The following ZNF500 variants were observed in gnomAD, a reference collection of about 807,000 sequenced individuals.
ZNF500 encodes the protein zinc finger protein 500.
ZNF500 carries 31 observed loss-of-function variants against 30.1 expected under a neutral mutation model. The observed-to-expected ratio is 1.03, with a 90% CI of 0.77 to 1.39. The LOEUF (loss-of-function observed/expected upper bound fraction) is 1.39. Among genes scored for constraint, ZNF500 ranks in the 40% most tolerant of loss-of-function variants. ZNF500 has a pLI of 0.00. For synonymous variants in ZNF500, 392 were observed against 282.0 expected, an observed-to-expected ratio of 1.39 and a Z score of -3.91; for missense variants, 817 against 657.8, an observed-to-expected ratio of 1.24 and a Z score of -2.65.
At chr16:4,761,296 C>T (rs528150892) in intron 4 of ZNF500, among the ~76,000 whole-genome samples, 3 of 151,808 alleles carry the variant, frequency 2.0e-5, no homozygotes, top group African/African-American at 4.8e-5. Flanking sequence ...AAAAATTAGC[C>T]AGGCATGGTG....
At chr16:4,760,700 G>A in intron 4 of ZNF500, 112 bp from the exon 5 acceptor site, 1 of 872,936 alleles carries the variant, frequency 1.1e-6, no homozygotes, top group Non-Finnish European at 1.8e-6. Flanking sequence ...CTGGCGCCAA[G>A]CCTGGTGGTG....
At position 4,750,557 on chromosome 16, in the gene ZNF500, C is replaced by G. The variant is rs1413357559; in HGVS notation, c.*1819G>C. The G allele has an allele frequency of 6.6e-6, 1 of 151,354 alleles. No individual in the cohort carries two copies. Among genetic ancestry groups the G allele is most frequent in the Non-Finnish European group, 1.5e-5 (1 of 67,944 alleles). 9.4% of individuals were successfully genotyped at this position (151,354 alleles called of 1,614,324 possible). ...AGGCTGGAGTACAACGGTGCGACCT[C>G]GGCTCACTGCAACCTCCGCCTCCCT... On this transcript the variant is annotated 3_prime_UTR_variant, in exon 6 of 6. Transcript: ENST00000219478.
intron 5 of ZNF500, among the ~76,000 whole-genome samples, chr16:4,754,337 C>T (rs1283161628): frequency 2.6e-5 from 4 of 152,042 alleles, no homozygotes; most frequent in Non-Finnish European, 4.4e-5. Flanking sequence ...GGGTTTGGCA[C>T]GTACTGAGCC....
chr16:4,747,274 TTTCAGTA>T, downstream of ZNF500: 1 of 1,487,158 alleles, frequency 6.7e-7, no homozygotes, highest in Non-Finnish European at 9.0e-7. Context: ...TTTTCTCCTG[TTTCAGTA>T]AGGAGGGCTG....
At chr16:4,745,655 A>G (rs763604064), downstream of ZNF500, among the ~76,000 whole-genome samples, 6 of 152,170 alleles carry the variant, frequency 3.9e-5, no homozygotes, top group Non-Finnish European at 8.8e-5. Context: ...TACCTAACAG[A>G]AGTGGCTACA....
intron 1 of ZNF500, 152 bp from the exon 2 acceptor site, chr16:4,766,228 CCT>C (rs1239391419): frequency 2.9e-5 from 12 of 410,264 alleles, no homozygotes; most frequent in East Asian, 2.3e-4. Context: ...TTATTAACCC[CCT>C]GTTAATTCCC....
intron 4 of ZNF500, among the ~76,000 whole-genome samples, chr16:4,761,949 G>A (rs1328359341): frequency 6.6e-6 from 1 of 152,208 alleles, no homozygotes; most frequent in Non-Finnish European, 1.5e-5. Context: ...CGGTGTGGGA[G>A]GAAGCTGTGT....
At chr16:4,754,891 T>C (rs1273971963) in intron 5 of ZNF500, among the ~76,000 whole-genome samples, 3 of 151,972 alleles carry the variant, frequency 2.0e-5, no homozygotes, top group African/African-American at 7.3e-5. Context: ...TCATGAATGG[T>C]TTGGCACCAT....
rs755351703 is a variant in ZNF500 at position 4,753,011 on chromosome 16, G to T, written c.808C>A (p.Pro270Thr). The T allele has an allele frequency of 9.0e-6, 14 of 1,561,252 alleles. No individual in the cohort carries two copies. The highest frequency in any genetic ancestry group is 1.2e-5 in the Non-Finnish European group (14 of 1,155,050). ...EDGGDGREDA[P>T]LRMEWYRVLS... ...ACTCGGTACCACTCCATTCTCAACG[G>T]GGCATCCTCCCTGCCATCACCGCCG... is the stretch of plus-strand genomic sequence containing the variant. The change falls in exon 6 of 6, where the codon CCG becomes ACG. Residue 270 changes from proline (P) to threonine (T), a missense_variant. Physicochemically the swap from Pro to Thr is conservative, Grantham distance 38. Coordinates refer to ENST00000219478, the MANE Select transcript of ZNF500 (RefSeq NM_021646.4).
rs1288376355 is a variant in ZNF500, at chr16:4,751,607, A to G, written c.*769T>C. The G allele has an allele frequency of 1.0e-5, 16 of 1,535,190 alleles. No individual in the cohort carries two copies. The highest frequency in any genetic ancestry group is 2.7e-5 in the African/African-American group (2 of 73,044). The stretch of plus-strand genomic sequence containing the variant: ...GCTGGGGTACAGCAGGGCTCCCTGC[A>G]GCAGACGAGGGGTCCCTCAAATTCA... On this transcript the variant is annotated 3_prime_UTR_variant, in exon 6 of 6. Coordinates refer to ENST00000219478, the MANE Select transcript of ZNF500 (RefSeq NM_021646.4).
chr16:4,760,556 G>A lies in ZNF500; in HGVS notation c.696C>T (p.Tyr232=), dbSNP rs140550661. 36 of 1,613,606 alleles carry A rather than the reference G, an allele frequency of 2.2e-5. No homozygotes were observed. The African/African-American group carries it at 4.1e-4, about 19-fold the overall frequency. ...TGCATCTTGGCTCCTCCCCAGAAAG[G>A]TATACAGCCACGTCCTCCAAGTTCA... The part of the protein sequence containing the change: ...VPVNLEDVAV[Y]LSGEEPRCMD... The change falls in exon 5 of 6, where the codon TAC becomes TAT. Residue 232 remains tyrosine (Y), a synonymous_variant. Transcript: ENST00000219478.
At chr16:4,756,908 G>C (rs1021891779) in intron 5 of ZNF500, among the ~76,000 whole-genome samples, 3 of 151,926 alleles carry the variant, frequency 2.0e-5, no homozygotes, top group Non-Finnish European at 4.4e-5. Flanking sequence ...CCTGAGCCTG[G>C]GGAGGTTGAA....
At chr16:4,754,645 C>G (rs1171683226) in intron 5 of ZNF500, among the ~76,000 whole-genome samples, 1 of 146,656 alleles carries the variant, frequency 6.8e-6, no homozygotes, top group Non-Finnish European at 1.5e-5. Flanking sequence ...GCCTGGGCGA[C>G]AGAGCGAGAC....
At chr16:4,745,452 G>C (rs1404620305), downstream of ZNF500, among the ~76,000 whole-genome samples, 1 of 152,214 alleles carries the variant, frequency 6.6e-6, no homozygotes, top group African/African-American at 2.4e-5. Context: ...CACCTGTCCT[G>C]CCACAGGGAG....
Position 4,751,660 on chromosome 16 carries a change from T to G in ZNF500, c.*716A>C, listed in dbSNP as rs2082079102. On this transcript the variant is annotated 3_prime_UTR_variant, in exon 6 of 6. Coordinates refer to ENST00000219478, the MANE Select transcript of ZNF500 (RefSeq NM_021646.4). ...TGCACCCAGACCTCAGAATGTGACC[T>G]TATTTGGAAACACGGGTTTTGATGA... The G allele has an allele frequency of 6.5e-7, 1 of 1,533,774 alleles. No individual in the cohort carries two copies. The highest frequency in any genetic ancestry group is 8.7e-7 in the Non-Finnish European group (1 of 1,145,428).
Position 4,752,753 on chromosome 16 carries a change from G to A in ZNF500, c.1066C>T (p.Leu356=), listed in dbSNP as rs374700657. The change falls in exon 6 of 6, where the codon CTA becomes TTA. Residue 356 remains leucine (L), a synonymous_variant. Coordinates refer to ENST00000219478, the MANE Select transcript of ZNF500 (RefSeq NM_021646.4). ...THTGERPYKC[L]VCGKGFSDRS... ...TCGCTAAAGCCCTTCCCACAGACTAGGCACTTGTAAGGCCGCTCGCCCGTG... is the reference window on the plus strand; with the variant it reads ...TCGCTAAAGCCCTTCCCACAGACTAAGCACTTGTAAGGCCGCTCGCCCGTG... 1.2e-6 allele frequency: 2 copies of A among 1,614,234 alleles called. No individual in the cohort carries two copies. The highest frequency in any genetic ancestry group is 2.2e-5 in the East Asian group (1 of 44,888).
downstream of ZNF500, chr16:4,747,268 CT>C: frequency 6.8e-7 from 1 of 1,479,386 alleles, no homozygotes; most frequent in Middle Eastern, 1.9e-4. Flanking sequence ...ATCTGCTTTT[CT>C]CCTGTTTCAG....
chr16:4,760,454 G>A, intron 5 of ZNF500, 38 bp downstream of exon 5: 1 of 1,589,438 alleles, frequency 6.3e-7, no homozygotes, highest in Non-Finnish European at 8.6e-7. Flanking sequence ...TCCTATTTTT[G>A]GCAAGCCCCC....
chr16:4,753,526 G>C (rs1422749885), intron 5 of ZNF500, among the ~76,000 whole-genome samples: 2 of 152,174 alleles, frequency 1.3e-5, no homozygotes, highest in African/African-American at 4.8e-5. Context: ...TAACCCAGTG[G>C]GTCAGTGCTG....
Sources: allele counts gnomAD v4.1 joint callset (sites outside exome capture counted in the v4.1 genomes callset), GRCh38; gene constraint gnomAD v4.1.1; transcripts MANE v1.5; gene names NCBI Gene and HGNC (gene_info 2026-07-23, HGNC 2026-07-21).